Variants in NPAS3 observed in about 807,000 individuals in gnomAD.
NPAS3 encodes the protein neuronal PAS domain protein 3, also known as neuronal PAS domain-containing protein 3.
Under a neutral mutation model 73.1 loss-of-function variants are expected in NPAS3, and 14 were observed. That is an observed-to-expected ratio of 0.19 (90% CI 0.13 to 0.30). The LOEUF is 0.30. Ranked by LOEUF, NPAS3 falls within the 10% of genes least tolerant of loss-of-function variation. The probability of loss-of-function intolerance (pLI) is 1.00; values close to 1 mark genes in which losing one functional copy is unlikely to be tolerated. For missense variants in NPAS3, 1,096 were observed against 1,250.0 expected (o/e 0.88, Z 1.86); for synonymous variants, 620 against 541.5 (o/e 1.14, Z -2.01).
intron 4 of NPAS3, among the ~76,000 whole-genome samples, chr14:33,466,618 G>A (rs2050537336): frequency 6.6e-6 from 1 of 152,146 alleles, no homozygotes; most frequent in South Asian, 2.1e-4. Context: ...AGTGCTACAG[G>A]CCATACAGAA....
chr14:33,407,884 G>A (rs943633383), intron 4 of NPAS3, among the ~76,000 whole-genome samples: 2 of 152,230 alleles, frequency 1.3e-5, no homozygotes, highest in East Asian at 1.9e-4. Flanking sequence ...AATGCTTACA[G>A]CATAGGTCGG....
At chr14:33,052,582 T>C (rs2040748914) in intron 1 of NPAS3, among the ~76,000 whole-genome samples, 1 of 152,354 alleles carries the variant, frequency 6.6e-6, no homozygotes, top group African/African-American at 2.4e-5. Context: ...CAAAATATGA[T>C]GTGTTGGGTT....
At chr14:33,713,857 T>C (rs1176310704) in intron 6 of NPAS3, among the ~76,000 whole-genome samples, 2 of 152,180 alleles carry the variant, frequency 1.3e-5, no homozygotes, top group Non-Finnish European at 2.9e-5. Flanking sequence ...TCTCTCTGCT[T>C]TTATCGCCAT....
At chr14:33,762,807 C>T (rs1260784293) in intron 7 of NPAS3, among the ~76,000 whole-genome samples, 1 of 152,166 alleles carries the variant, frequency 6.6e-6, no homozygotes, top group Non-Finnish European at 1.5e-5. Context: ...TGGTGACACG[C>T]ACAAAAGTCA....
intron 3 of NPAS3, among the ~76,000 whole-genome samples, chr14:33,339,248 T>A (rs1186862376): frequency 1.3e-5 from 2 of 152,178 alleles, no homozygotes; most frequent in Non-Finnish European, 2.9e-5. Context: ...TGATTCAAAT[T>A]GACCTTTCAA....
chr14:33,795,525 C>T (rs563429738), intron 10 of NPAS3, among the ~76,000 whole-genome samples: 2 of 152,214 alleles, frequency 1.3e-5, no homozygotes, highest in South Asian at 4.1e-4. Context: ...TTTTGCTAGG[C>T]AAAATGATAT....
chr14:33,678,580 T>A (rs1010958949), intron 6 of NPAS3, among the ~76,000 whole-genome samples: 2 of 152,122 alleles, frequency 1.3e-5, no homozygotes, highest in Non-Finnish European at 2.9e-5. Context: ...GCCCTCTAGA[T>A]ATATTCTGAT....
At chr14:33,133,497 G>C (rs2043717947) in intron 2 of NPAS3, among the ~76,000 whole-genome samples, 1 of 152,148 alleles carries the variant, frequency 6.6e-6, no homozygotes, top group Admixed American at 6.5e-5. Flanking sequence ...GCCAACTACT[G>C]TAACTTCCCA....
chr14:32,974,585 G>A (rs2037573451), intron 1 of NPAS3, among the ~76,000 whole-genome samples: 1 of 152,136 alleles, frequency 6.6e-6, no homozygotes, highest in African/African-American at 2.4e-5. Context: ...ATAGAGGTGG[G>A]TGACTGTTGA....
intron 5 of NPAS3, among the ~76,000 whole-genome samples, chr14:33,669,768 G>A (rs940378401): frequency 9.9e-5 from 15 of 152,056 alleles, no homozygotes; most frequent in Admixed American, 3.3e-4. Context: ...CTATTTCCCC[G>A]ACAGTCTGCT....
At chr14:33,300,926 G>A (rs1325104693) in intron 3 of NPAS3, among the ~76,000 whole-genome samples, 1 of 152,188 alleles carries the variant, frequency 6.6e-6, no homozygotes, top group African/African-American at 2.4e-5. Flanking sequence ...TTAGAAATAG[G>A]ATTGAGGGCC....
intron 2 of NPAS3, among the ~76,000 whole-genome samples, chr14:33,118,091 A>G (rs777291514): frequency 1.1e-4 from 16 of 152,064 alleles, no homozygotes; most frequent in Non-Finnish European, 1.9e-4. Context: ...CTTTTCTTGT[A>G]AGGAATTATG....
intron 5 of NPAS3, among the ~76,000 whole-genome samples, chr14:33,665,580 G>T (rs907906919): frequency 6.6e-6 from 1 of 152,122 alleles, no homozygotes; most frequent in African/African-American, 2.4e-5. Context: ...TCTGTGATAT[G>T]CTCATTCCAC....
At chr14:33,189,471 C>G (rs958541091) in intron 2 of NPAS3, among the ~76,000 whole-genome samples, 6 of 152,164 alleles carry the variant, frequency 3.9e-5, no homozygotes, top group African/African-American at 1.4e-4. Context: ...GGACTATGCA[C>G]TGAGTAAGTC....
intron 1 of NPAS3, among the ~76,000 whole-genome samples, chr14:32,946,441 C>G (rs1376659063): frequency 2.6e-5 from 4 of 151,560 alleles, no homozygotes; most frequent in Admixed American, 2.6e-4. Flanking sequence ...TCCTCTATGC[C>G]AGGAACCCTA....
intron 5 of NPAS3, among the ~76,000 whole-genome samples, chr14:33,615,146 C>A (rs948601687): frequency 6.6e-6 from 1 of 151,994 alleles, no homozygotes; most frequent in Non-Finnish European, 1.5e-5. Flanking sequence ...CACCATGGCC[C>A]GCGGATTAGG....
intron 2 of NPAS3, among the ~76,000 whole-genome samples, chr14:33,182,478 G>A (rs2045831300): frequency 2.0e-5 from 3 of 152,080 alleles, no homozygotes; most frequent in Admixed American, 2.0e-4. Context: ...AAACTTAAAG[G>A]TTGTAACAAA....
chr14:33,705,919 T>C lies in NPAS3; in HGVS notation c.734-29295T>C, dbSNP rs551304882. 7.9e-5 allele frequency among the ~76,000 whole-genome samples: 12 copies of C among 152,322 alleles called. 1 individual carries two copies. In the South Asian group the frequency reaches 2.5e-3, roughly 32 times the overall value. ...TCATTTATCACACAGTTTAATACCA[T>C]AATGAAAAATAGCAAATGAAAAATG... On this transcript the variant is annotated intron_variant, in intron 6 of 11. Coordinates refer to ENST00000356141, the Ensembl canonical transcript of NPAS3.
intron 2 of NPAS3, among the ~76,000 whole-genome samples, chr14:33,188,038 T>C (rs2046042594): frequency 3.9e-5 from 6 of 152,212 alleles, no homozygotes; most frequent in Non-Finnish European, 1.5e-5. Context: ...TATGATTACA[T>C]AGCTAACCAA....
Sources: allele counts gnomAD v4.1 joint callset (sites outside exome capture counted in the v4.1 genomes callset), GRCh38; gene constraint gnomAD v4.1.1; transcripts MANE v1.5; gene names NCBI Gene and HGNC (gene_info 2026-07-23, HGNC 2026-07-21).